The following NAALADL2 variants were observed in gnomAD, a reference collection of about 807,000 sequenced individuals.
The protein encoded by NAALADL2 is inactive N-acetylated-alpha-linked acidic dipeptidase-like protein 2.
A neutral mutation model predicts 87.2 loss-of-function variants in NAALADL2; 76 were observed. That is an observed-to-expected ratio of 0.87 (90% confidence interval 0.72 to 1.05). NAALADL2 has a LOEUF of 1.05. Ranked by LOEUF, NAALADL2 falls within the 50% of genes least tolerant of loss-of-function variation. The pLI, the probability that NAALADL2 is intolerant of heterozygous loss-of-function variation, is 0.00. For missense variants in NAALADL2, 1,089 were observed against 945.8 expected (o/e 1.15, Z -1.99); for synonymous variants, 354 against 331.0 (o/e 1.07, Z -0.75).
intron 1 of NAALADL2, among the ~76,000 whole-genome samples, chr3:175,064,850 A>G (rs1714243635): frequency 6.6e-6 from 1 of 152,104 alleles, no homozygotes; most frequent in African/African-American, 2.4e-5. Flanking sequence ...CTCCAACAAA[A>G]TTGGCTTGGT....
intron 3 of NAALADL2, among the ~76,000 whole-genome samples, chr3:174,841,489 T>C (rs1283676207): frequency 1.3e-5 from 2 of 152,186 alleles, no homozygotes; most frequent in African/African-American, 2.4e-5. Context: ...CAGTTGGCAT[T>C]ATTTTTTCCT....
At chr3:175,632,097 G>T (rs1454949216) in intron 11 of NAALADL2, among the ~76,000 whole-genome samples, 3 of 151,952 alleles carry the variant, frequency 2.0e-5, no homozygotes, top group Non-Finnish European at 2.9e-5. Flanking sequence ...TATGGTTTGG[G>T]TCTGTGTCCC....
intron 1 of NAALADL2, among the ~76,000 whole-genome samples, chr3:174,467,532 G>T (rs1716610052): frequency 6.8e-6 from 1 of 146,106 alleles, no homozygotes; most frequent in African/African-American, 2.6e-5. Flanking sequence ...GGCAGAGGTT[G>T]CAGTGAGCTG....
At position 175,016,279 on chromosome 3, in the gene NAALADL2, A is replaced by ATATATG. The variant is rs1473226199; in HGVS notation, c.44-80511_44-80510insTATATG. Among the ~76,000 whole-genome samples, 14 of 148,636 alleles carry ATATATG rather than the reference A, an allele frequency of 9.4e-5. No individual in the cohort carries two copies. The South Asian group carries it at 1.0e-3, about 11-fold the overall frequency. On this transcript the variant is annotated intron_variant, in intron 1 of 13. Coordinates refer to ENST00000454872, the MANE Select transcript of NAALADL2 (RefSeq NM_207015.3). ...ATTATTTATATATATATATATATAA[A>ATATATG]AAACAATAGCAATTTTAGTAATAAA... is the stretch of plus-strand genomic sequence containing the variant.
At chr3:175,395,307 T>C (rs1034948643) in intron 5 of NAALADL2, among the ~76,000 whole-genome samples, 2 of 152,178 alleles carry the variant, frequency 1.3e-5, no homozygotes, top group African/African-American at 4.8e-5. Context: ...GAAATTTTCA[T>C]TTAATATTTT....
chr3:175,266,545 G>C (rs1407640400), intron 4 of NAALADL2, among the ~76,000 whole-genome samples: 2 of 151,604 alleles, frequency 1.3e-5, no homozygotes, highest in South Asian at 2.1e-4. Flanking sequence ...TACTTTGTTA[G>C]CTTGTTAAAA....
chr3:175,104,293 T>C (rs1722726859), intron 2 of NAALADL2, among the ~76,000 whole-genome samples: 2 of 152,138 alleles, frequency 1.3e-5, no homozygotes, highest in African/African-American at 4.8e-5. Flanking sequence ...GGCTGTGGAA[T>C]CCATGAAGAA....
intron 2 of NAALADL2, among the ~76,000 whole-genome samples, chr3:174,662,040 C>G (rs1015817994): frequency 2.0e-5 from 3 of 152,106 alleles, no homozygotes; most frequent in Non-Finnish European, 4.4e-5. Context: ...TATAGCTCAT[C>G]CTCAGAGATA....
At chr3:175,032,709 A>G (rs959190187) in intron 1 of NAALADL2, among the ~76,000 whole-genome samples, 5 of 152,028 alleles carry the variant, frequency 3.3e-5, no homozygotes, top group African/African-American at 7.2e-5. Flanking sequence ...TAAAAAATAT[A>G]TATATCATTT....
chr3:175,478,567 T>C (rs1048024584), intron 9 of NAALADL2, among the ~76,000 whole-genome samples: 2 of 151,964 alleles, frequency 1.3e-5, no homozygotes, highest in Admixed American at 1.3e-4. Flanking sequence ...ATATTAGGAC[T>C]ATGTAACCAA....
intron 2 of NAALADL2, among the ~76,000 whole-genome samples, chr3:175,137,628 C>T (rs1469500837): frequency 8.9e-5 from 12 of 135,454 alleles, no homozygotes; most frequent in Non-Finnish European, 1.4e-4. Context: ...TTTTTTGAGA[C>T]AGAGTCTCCC....
chr3:174,675,197 T>C (rs1726930908), intron 2 of NAALADL2, among the ~76,000 whole-genome samples: 1 of 152,102 alleles, frequency 6.6e-6, no homozygotes, highest in Non-Finnish European at 1.5e-5. Context: ...ATTTCACTTT[T>C]AAATTTACCA....
chr3:174,835,939 A>G (rs560453434), intron 3 of NAALADL2, among the ~76,000 whole-genome samples: 3 of 152,350 alleles, frequency 2.0e-5, no homozygotes, highest in Admixed American at 6.5e-5. Flanking sequence ...AGAAAACGGT[A>G]TGGTGGTTCC....
chr3:175,197,852 A>G (rs1739247283), intron 2 of NAALADL2, among the ~76,000 whole-genome samples: 1 of 152,020 alleles, frequency 6.6e-6, no homozygotes, highest in African/African-American at 2.4e-5. Flanking sequence ...AAATATTGAG[A>G]AAATTACCAC....
intron 3 of NAALADL2, among the ~76,000 whole-genome samples, chr3:174,823,767 G>T (rs1721680164): frequency 6.6e-6 from 1 of 152,110 alleles, no homozygotes; most frequent in Admixed American, 6.5e-5. Flanking sequence ...CTGGAGTGCA[G>T]TGGCACAATC....
At chr3:175,399,905 C>T (rs893687349) in intron 5 of NAALADL2, among the ~76,000 whole-genome samples, 1 of 152,074 alleles carries the variant, frequency 6.6e-6, no homozygotes, top group Non-Finnish European at 1.5e-5. Context: ...CCTATTTAAT[C>T]CAACTCTTTA....
At position 174,938,388 on chromosome 3, in the gene NAALADL2, G is replaced by A. The variant is rs538395147; in HGVS notation, c.43+78938G>A. Among the ~76,000 whole-genome samples, 16 of 152,198 alleles carry A rather than the reference G, an allele frequency of 1.1e-4. No homozygotes were observed. The South Asian group carries it at 3.1e-3, about 30-fold the overall frequency. ...TTTCATGGCTGCATCGTATCGCATG[G>A]TATAAATGTACCACATTTTCTTTAT... On this transcript the variant is annotated intron_variant, in intron 1 of 13. Transcript: ENST00000454872.
At chr3:174,450,869 CAAAAAAAA>C (rs761513802) in intron 1 of NAALADL2, among the ~76,000 whole-genome samples, 65 of 74,886 alleles carry the variant, frequency 8.7e-4, no homozygotes, top group Admixed American at 7.6e-3. Context: ...GACTCTGTCT[CAAAAAAAA>C]AAAAAAAAAA....
chr3:175,523,210 A>T (rs914904898), intron 9 of NAALADL2, among the ~76,000 whole-genome samples: 1 of 152,232 alleles, frequency 6.6e-6, no homozygotes, highest in African/African-American at 2.4e-5. Context: ...TTTAGTTGTA[A>T]TAACTGGAGA....
Sources: allele counts gnomAD v4.1 joint callset (sites outside exome capture counted in the v4.1 genomes callset), GRCh38; gene constraint gnomAD v4.1.1; transcripts MANE v1.5; gene names NCBI Gene and HGNC (gene_info 2026-07-23, HGNC 2026-07-21).